UST: variants seen among roughly 807,000 people sequenced by gnomAD.
The protein encoded by UST is chondroitin sulfate 2-O-sulfotransferase.
A neutral mutation model predicts 45.6 loss-of-function variants in UST; 21 were observed. The observed-to-expected ratio is 0.46, with a 90% CI of 0.33 to 0.66. The LOEUF is 0.66. UST is among the 30% of genes least tolerant of loss of function. UST has a pLI of 0.02. For synonymous variants in UST, 215 were observed against 200.6 expected, an observed-to-expected ratio of 1.07 and a Z score of -0.61; for missense variants, 463 against 512.4, an observed-to-expected ratio of 0.90 and a Z score of 0.93.
intron 1 of UST, among the ~76,000 whole-genome samples, chr6:148,799,645 C>T (rs188188099): frequency 1.3e-3 from 193 of 152,174 alleles, no homozygotes; most frequent in African/African-American, 4.5e-3. Context: ...TTTCCAACCC[C>T]GTTCCCTCCC....
Position 148,832,054 on chromosome 6 carries a change from C to T in UST, c.248-54932C>T, listed in dbSNP as rs6923294. Among the ~76,000 whole-genome samples the T allele has an allele frequency of 9.6e-3, 1,463 of 152,246 alleles. 21 individuals are homozygous for T. The highest frequency in any genetic ancestry group is 0.033 in the African/African-American group (1,370 of 41,538). Reference sequence around the variant, plus strand: ...TATTGCCCAGGCTGGAGTGCAGTGGCGCAGTCTCAGTTCATTGCAGCCTCC... The same window carrying T: ...TATTGCCCAGGCTGGAGTGCAGTGGTGCAGTCTCAGTTCATTGCAGCCTCC... On this transcript the variant is annotated intron_variant, in intron 1 of 7. Transcript: ENST00000367463.
chr6:149,073,751 T>C, intron 7 of UST, 82 bp from the exon 8 acceptor site: 1 of 1,509,544 alleles, frequency 6.6e-7, no homozygotes, highest in African/African-American at 1.4e-5. Flanking sequence ...ACCAGAGTTG[T>C]ACAGGTAATG....
At chr6:148,800,115 A>G (rs998075914) in intron 1 of UST, among the ~76,000 whole-genome samples, 1 of 152,202 alleles carries the variant, frequency 6.6e-6, no homozygotes, top group African/African-American at 2.4e-5. Context: ...GATTTTATGA[A>G]CAGAGTCTAA....
At chr6:148,986,879 G>A (rs904121428) in intron 5 of UST, among the ~76,000 whole-genome samples, 1 of 152,210 alleles carries the variant, frequency 6.6e-6, no homozygotes, top group African/African-American at 2.4e-5. Context: ...TATGCTCCCT[G>A]TCTTTGCAGT....
chr6:148,883,924 G>T (rs1476569505), intron 1 of UST, among the ~76,000 whole-genome samples: 2 of 152,174 alleles, frequency 1.3e-5, no homozygotes, highest in Non-Finnish European at 2.9e-5. Flanking sequence ...TTGAGGTCAG[G>T]AGTTCAAGAC....
chr6:148,874,333 A>G (rs1217212427), intron 1 of UST, among the ~76,000 whole-genome samples: 3 of 152,262 alleles, frequency 2.0e-5, no homozygotes, highest in Non-Finnish European at 4.4e-5. Context: ...TCTAAAATGT[A>G]TATTCAGATT....
At chr6:148,908,650 A>G (rs192778430) in intron 2 of UST, among the ~76,000 whole-genome samples, 1 of 152,232 alleles carries the variant, frequency 6.6e-6, no homozygotes, top group Non-Finnish European at 1.5e-5. Context: ...AATGATTAAT[A>G]TCAAATTCTC....
intron 1 of UST, among the ~76,000 whole-genome samples, chr6:148,806,865 C>A (rs751854460): frequency 1.6e-4 from 25 of 152,118 alleles, no homozygotes; most frequent in Non-Finnish European, 2.6e-4. Flanking sequence ...GATCAGGAAC[C>A]CACTCCCTTG....
At chr6:149,043,002 TC>T (rs1776340821) in intron 7 of UST, among the ~76,000 whole-genome samples, 1 of 117,294 alleles carries the variant, frequency 8.5e-6, no homozygotes, top group African/African-American at 4.0e-5. Flanking sequence ...TTTCTTTCTT[TC>T]TTTCTTTCTT....
chr6:148,805,213 A>T (rs1197063181), intron 1 of UST, among the ~76,000 whole-genome samples: 2 of 152,216 alleles, frequency 1.3e-5, no homozygotes, highest in African/African-American at 4.8e-5. Context: ...ATTCTTCAGT[A>T]TCCCCAAGTC....
Position 149,047,662 on chromosome 6 carries a change from T to C in UST, c.938-26171T>C, listed in dbSNP as rs753242497. 2.0e-4 allele frequency among the ~76,000 whole-genome samples: 30 copies of C among 152,132 alleles called. 1 individual carries two copies. Among genetic ancestry groups the C allele is most frequent in the Non-Finnish European group, 3.8e-4 (26 of 68,016 alleles). ...TGAAATGTGAGCACCAAACTTTACT[T>C]TGGGAACAACAACAACCAAAGAAAT... is the stretch of plus-strand genomic sequence containing the variant. On this transcript the variant is annotated intron_variant, in intron 7 of 7. Transcript: ENST00000367463.
intron 1 of UST, among the ~76,000 whole-genome samples, chr6:148,809,200 G>C (rs1777206160): frequency 6.6e-6 from 1 of 152,236 alleles, no homozygotes; most frequent in Non-Finnish European, 1.5e-5. Context: ...TTTCTCAGGG[G>C]AGTTCAGAGT....
intron 1 of UST, among the ~76,000 whole-genome samples, chr6:148,826,259 T>C (rs747397877): frequency 1.3e-5 from 2 of 152,172 alleles, no homozygotes; most frequent in Non-Finnish European, 2.9e-5. Context: ...ACTACAGGCA[T>C]GTGCCACCAT....
intron 1 of UST, among the ~76,000 whole-genome samples, chr6:148,793,303 G>GA (rs1776886491): frequency 6.6e-6 from 1 of 152,108 alleles, no homozygotes; most frequent in East Asian, 1.9e-4. Context: ...TAAAAATAAG[G>GA]GTGATGTTTG....
intron 5 of UST, among the ~76,000 whole-genome samples, chr6:149,016,892 G>T (rs1274358394): frequency 6.6e-6 from 1 of 152,178 alleles, no homozygotes; most frequent in Non-Finnish European, 1.5e-5. Flanking sequence ...TGCAGAGGGA[G>T]GCCACCAGGG....
At chr6:148,950,126 G>A (rs928828924) in intron 3 of UST, among the ~76,000 whole-genome samples, 3 of 152,248 alleles carry the variant, frequency 2.0e-5, no homozygotes, top group African/African-American at 7.2e-5. Flanking sequence ...TATTTCAGTG[G>A]TTCTCACACT....
intron 7 of UST, among the ~76,000 whole-genome samples, chr6:149,063,387 A>C (rs150465007): frequency 6.6e-6 from 1 of 152,346 alleles, no homozygotes; most frequent in Admixed American, 6.5e-5. Context: ...TAATAAGAAA[A>C]AACTTTTTAA....
At chr6:148,812,857 G>C (rs1777284650) in intron 1 of UST, among the ~76,000 whole-genome samples, 1 of 152,188 alleles carries the variant, frequency 6.6e-6, no homozygotes, top group African/African-American at 2.4e-5. Context: ...GGCAGGAGGT[G>C]GGGATCACTG....
rs544463438 is a variant in UST, at chr6:148,993,028, T to C, written c.682-26111T>C. 8 of 985,446 alleles carry C rather than the reference T, an allele frequency of 8.1e-6. No individual in the cohort carries two copies. In the African/African-American group the frequency reaches 1.0e-4, roughly 13 times the overall value. The allele number at this position is 985,446 out of a possible 1,614,324, so 61.0% of individuals were successfully genotyped here. On this transcript the variant is annotated intron_variant, in intron 5 of 7. Transcript: ENST00000367463. ...CATTCAAGGCTAATAACCACTTGCT[T>C]CCTTCAATCCCAACTGGCAAGGAGG...
Sources: gnomAD v4.1 joint callset for allele counts (sites outside exome capture counted in the v4.1 genomes callset) on GRCh38, gnomAD v4.1.1 for gene constraint, MANE v1.5 for transcripts, NCBI Gene and HGNC (gene_info 2026-07-23, HGNC 2026-07-21) for gene names.